ZNF527: variants seen among roughly 807,000 people sequenced by gnomAD.
ZNF527 encodes zinc finger protein 527.
ZNF527 carries 5 observed loss-of-function variants against 13.5 expected under a neutral mutation model. That is an observed-to-expected ratio of 0.37 (90% confidence interval 0.19 to 0.78). The LOEUF (loss-of-function observed/expected upper bound fraction) is 0.78. Ranked by LOEUF, ZNF527 falls within the 30% of genes least tolerant of loss-of-function variation. The probability of loss-of-function intolerance (pLI) is 0.48; values close to 1 mark genes in which losing one functional copy is unlikely to be tolerated. For synonymous variants in ZNF527, 209 were observed against 243.1 expected (o/e 0.86, Z 1.30); for missense variants, 628 against 726.4 (o/e 0.86, Z 1.56).
At chr19:37,378,971 A>C in intron 2 of ZNF527, 149 bp from the exon 3 acceptor site, 1 of 817,902 alleles carries the variant, frequency 1.2e-6, no homozygotes, top group Non-Finnish European at 1.8e-6. Context: ...CTTCTCTTAA[A>C]GTATTTGACA....
At chr19:37,384,095 G>A (rs2040677245) in intron 4 of ZNF527, among the ~76,000 whole-genome samples, 1 of 151,848 alleles carries the variant, frequency 6.6e-6, no homozygotes, top group Non-Finnish European at 1.5e-5. Flanking sequence ...TGAGGTGGGT[G>A]GATCACGAGG....
Position 37,388,217 on chromosome 19 carries a change from C to T in ZNF527, c.257-89C>T, listed in dbSNP as rs554999149. On this transcript the variant is annotated intron_variant, in intron 4 of 4. Transcript: ENST00000436120. Reference sequence around the variant, plus strand: ...CACAGACTTTCTACCCTCCTTCCCCCCAGTTAAATTCTTCCATTTCTTCTC... The same window carrying T: ...CACAGACTTTCTACCCTCCTTCCCCTCAGTTAAATTCTTCCATTTCTTCTC... 39 of 1,459,864 alleles carry T rather than the reference C, an allele frequency of 2.7e-5. No individual in the cohort carries two copies. In the South Asian group the frequency reaches 5.1e-4, roughly 19 times the overall value. 90.4% of individuals were successfully genotyped at this position (1,459,864 alleles called of 1,614,324 possible).
chr19:37,376,914 T>C (rs1004479354), intron 2 of ZNF527, among the ~76,000 whole-genome samples: 1 of 152,156 alleles, frequency 6.6e-6, no homozygotes, highest in Non-Finnish European at 1.5e-5. Context: ...GTTGAAATGA[T>C]AACATTTTAG....
chr19:37,374,327 C>A (rs192867217), intron 2 of ZNF527, 96 bp downstream of exon 2: 3 of 1,070,194 alleles, frequency 2.8e-6, no homozygotes, highest in Non-Finnish European at 4.3e-6. Flanking sequence ...AATGAGCACC[C>A]CTTCCACTTC....
chr19:37,388,567 C>A lies in ZNF527; in HGVS notation c.518C>A (p.Pro173His), dbSNP rs1371876824. 20 of 1,614,058 alleles carry A rather than the reference C, an allele frequency of 1.2e-5. No individual in the cohort carries two copies. Among genetic ancestry groups the A allele is most frequent in the Non-Finnish European group, 1.7e-5 (20 of 1,180,016 alleles). ...TTTAGTAATTCTGGGAGAAGCATACCCCTGAAATCAGTATTTTTAACACAA... is the reference window on the plus strand; with the variant it reads ...TTTAGTAATTCTGGGAGAAGCATACACCTGAAATCAGTATTTTTAACACAA... ...NEFSNSGRSI[P>H]LKSVFLTQQK... is the part of the protein sequence containing the mutation. Residue 173 changes from proline (P) to histidine (H), a missense_variant, in exon 5 of 5, where the codon CCC becomes CAC. Around this residue, in one of 3 missense-constraint regions of ZNF527, gnomAD observed 592 missense variants for 678.0 expected, o/e 0.87. Transcript: ENST00000436120.
intron 1 of ZNF527, among the ~76,000 whole-genome samples, 177 bp downstream of exon 1, chr19:37,371,403 G>A (rs1215992779): frequency 6.6e-6 from 1 of 152,210 alleles, no homozygotes; most frequent in Non-Finnish European, 1.5e-5. Context: ...GTGTCACTGT[G>A]TGTGTGTGTT....
chr19:37,390,025 C>A lies in ZNF527; in HGVS notation c.*146C>A. ...TTATTTGAAGTAGCTCAGTAGTAGA[C>A]ATCTGTTACTTTTTTTTTTTTCAGA... On this transcript the variant is annotated 3_prime_UTR_variant, in exon 5 of 5. Coordinates refer to ENST00000436120, the MANE Select transcript of ZNF527 (RefSeq NM_032453.2). 7.0e-6 allele frequency: 7 copies of A among 1,004,478 alleles called. No individual in the cohort carries two copies. The highest frequency in any genetic ancestry group is 1.8e-5 in the South Asian group (1 of 54,558). 62.2% of individuals were successfully genotyped at this position (1,004,478 alleles called of 1,614,324 possible). A position where few individuals can be genotyped will look rare whatever the true frequency, so the allele number is the denominator to read the frequency against.
rs760125958 is a variant in ZNF527, at chr19:37,379,242, G to C, written c.156G>C (p.Trp52Cys). Residue 52 changes from tryptophan (W) to cysteine (C), a missense_variant, in exon 3 of 5, where the codon TGG (tryptophan) becomes TGC (cysteine). This residue lies in a region of ZNF527 where 592 missense variants were observed against 678.0 expected (regional missense o/e 0.87). Coordinates refer to ENST00000436120, the MANE Select transcript of ZNF527 (RefSeq NM_032453.2). Reference protein sequence around the residue: ...VMLENYRNLVWLGLSISKPNM... With the variant: ...VMLENYRNLVCLGLSISKPNM... ...TGGAGAACTACAGGAACTTGGTATG[G>C]CTTGGTAAGGATGTTTCTCCCCCAT... is the stretch of plus-strand genomic sequence containing the variant. 2 of 1,596,366 alleles carry C rather than the reference G, an allele frequency of 1.3e-6. No homozygotes were observed. Among genetic ancestry groups the C allele is most frequent in the Non-Finnish European group, 1.7e-6 (2 of 1,173,772 alleles).
Position 37,388,988 on chromosome 19 carries a change from C to T in ZNF527, c.939C>T (p.His313=), listed in dbSNP as rs1449605516. ...ACNDCGKAFS[H]DFFLSEHQRT... is the part of the protein sequence containing the mutation. ...ATGACTGTGGAAAAGCCTTTAGCCACGACTTCTTTCTCAGTGAACATCAAA... is the reference window on the plus strand; with the variant it reads ...ATGACTGTGGAAAAGCCTTTAGCCATGACTTCTTTCTCAGTGAACATCAAA... The change falls in exon 5 of 5, where the codon CAC becomes CAT. Residue 313 remains histidine (H), a synonymous_variant. Transcript: ENST00000436120. 18 of 1,614,000 alleles carry T rather than the reference C, an allele frequency of 1.1e-5. No individual in the cohort carries two copies. Among genetic ancestry groups the T allele is most frequent in the East Asian group, 2.2e-5 (1 of 44,902 alleles).
At chr19:37,373,945 G>A (rs1445887944) in intron 1 of ZNF527, among the ~76,000 whole-genome samples, 1 of 152,174 alleles carries the variant, frequency 6.6e-6, no homozygotes, top group Non-Finnish European at 1.5e-5. Flanking sequence ...TTTGGATTTT[G>A]TTGAGTTCAG....
Position 37,391,343 on chromosome 19 carries a change from G to T in ZNF527, c.*1464G>T, listed in dbSNP as rs1443800737. On this transcript the variant is annotated 3_prime_UTR_variant, in exon 5 of 5. Transcript: ENST00000436120. ...CGAGCACTTTGGGAGGCCGAGGTGG[G>T]CAGATCACCTGAGGTCAGGAGTTCG... is the stretch of plus-strand genomic sequence containing the variant. The T allele has an allele frequency of 2.6e-5, 4 of 152,136 alleles. No homozygotes were observed. The highest frequency in any genetic ancestry group is 9.7e-5 in the African/African-American group (4 of 41,402). The allele number at this position is 152,136 out of a possible 1,614,324, so 9.4% of individuals were successfully genotyped here. A position where few individuals can be genotyped will look rare whatever the true frequency, so the allele number is the denominator to read the frequency against.
At position 37,380,303 on chromosome 19, in the gene ZNF527, A is replaced by G; in HGVS notation, c.187A>G (p.Ile63Val). 1 of 1,614,078 alleles carries G rather than the reference A, an allele frequency of 6.2e-7. No individual in the cohort carries two copies. Among genetic ancestry groups the G allele is most frequent in the Non-Finnish European group, 8.5e-7 (1 of 1,179,980 alleles). The change falls in exon 4 of 5, where the codon ATC (isoleucine) becomes GTC (valine). Residue 63 changes from isoleucine to valine, a missense_variant. Coordinates refer to ENST00000436120, the MANE Select transcript of ZNF527 (RefSeq NM_032453.2). ...ACTCTCCATTTCTAAGCCCAACATG[A>G]TCTCCTTACTGGAGCAAGGGAAGGA... is the stretch of plus-strand genomic sequence containing the variant. ...LGLSISKPNMISLLEQGKEPW... is the reference protein window; with the variant it reads ...LGLSISKPNMVSLLEQGKEPW...
intron 2 of ZNF527, among the ~76,000 whole-genome samples, chr19:37,376,771 T>A (rs1191857472): frequency 2.0e-5 from 3 of 150,624 alleles, no homozygotes; most frequent in African/African-American, 7.4e-5. Context: ...AGACTTACAG[T>A]AGTGTAGCCA....
rs192469675 is a variant in ZNF527 at position 37,392,711 on chromosome 19, G to A, written c.*2832G>A. 3.3e-5 allele frequency: 5 copies of A among 152,246 alleles called. No individual in the cohort carries two copies. Among genetic ancestry groups the A allele is most frequent in the Admixed American group, 2.6e-4 (4 of 15,292 alleles). The allele number at this position is 152,246 out of a possible 1,614,324, so 9.4% of individuals were successfully genotyped here. ...AGCTACTAATTGATTTTTGATCTAT[G>A]TATGGCACCTGATTTCATCCTCGAG... On this transcript the variant is annotated 3_prime_UTR_variant, in exon 5 of 5. Coordinates refer to ENST00000436120, the MANE Select transcript of ZNF527 (RefSeq NM_032453.2).
rs1269882312 is a variant in ZNF527, at chr19:37,386,133, TC to T, written c.257-2172del. ...TGTGTAGTAGAACTTTCTTTTCTCTTCTTTTCCTTTTTTTTTTTTTTTTTTT... is the reference window on the plus strand; with the variant it reads ...TGTGTAGTAGAACTTTCTTTTCTCTTTTTTCCTTTTTTTTTTTTTTTTTTT... On this transcript the variant is annotated intron_variant, in intron 4 of 4. Transcript: ENST00000436120. Among the ~76,000 whole-genome samples the T allele has an allele frequency of 2.3e-3, 320 of 140,128 alleles. 4 individuals carry two copies. The highest frequency in any genetic ancestry group is 0.023 in the East Asian group (107 of 4,754). 91.9% of individuals were successfully genotyped at this position (140,128 alleles called of 152,430 possible).
At chr19:37,381,907 T>G (rs941671969) in intron 4 of ZNF527, among the ~76,000 whole-genome samples, 11 of 152,212 alleles carry the variant, frequency 7.2e-5, no homozygotes, top group African/African-American at 2.7e-4. Flanking sequence ...CCTCATAAAA[T>G]TTAATGACTT....
Position 37,388,676 on chromosome 19 carries a change from TAA to T in ZNF527, c.630_631del (p.Arg211ThrfsTer4). 6.2e-7 allele frequency: 1 copy of T among 1,612,092 alleles called. No individual in the cohort carries two copies. On this transcript the variant is annotated frameshift_variant, in exon 5 of 5. Coordinates refer to ENST00000436120, the MANE Select transcript of ZNF527 (RefSeq NM_032453.2). LOFTEE classifies it low-confidence loss of function (END_TRUNC). ...CCCAAAATTCAGTCATAATTGAATA[TAA>T]AAGACTCCATGCTGAGAAGGAATCT... ...FPQNSVIIEY[K>X]RLHAEKESLI...
intron 4 of ZNF527, among the ~76,000 whole-genome samples, chr19:37,387,876 T>C (rs1016756324): frequency 4.6e-5 from 7 of 152,186 alleles, no homozygotes; most frequent in Non-Finnish European, 7.3e-5. Flanking sequence ...GATGCAATAG[T>C]AGAAGAAAAA....
At chr19:37,386,603 A>C (rs1324014098) in intron 4 of ZNF527, among the ~76,000 whole-genome samples, 3 of 152,210 alleles carry the variant, frequency 2.0e-5, no homozygotes, top group Non-Finnish European at 2.9e-5. Flanking sequence ...GCTTATACTT[A>C]GTGGCTACCG....
Sources: allele counts gnomAD v4.1 joint callset (sites outside exome capture counted in the v4.1 genomes callset), GRCh38; gene constraint gnomAD v4.1.1; regional missense constraint gnomAD v4.1.1; transcripts MANE v1.5; gene names NCBI Gene and HGNC (gene_info 2026-07-23, HGNC 2026-07-21).